Variants in NCALD observed in about 807,000 individuals in gnomAD.
NCALD encodes the protein neurocalcin delta, also known as neurocalcin-delta.
A neutral mutation model predicts 18.6 loss-of-function variants in NCALD; 10 were observed. The ratio of observed to expected loss-of-function variants is 0.54; its 90% confidence interval spans 0.33 to 0.91. The LOEUF (loss-of-function observed/expected upper bound fraction) is 0.91. Ranked by LOEUF, NCALD falls within the 40% of genes least tolerant of loss-of-function variation. The pLI is 0.03. For missense variants in NCALD, 184 were observed against 247.6 expected, an observed-to-expected ratio of 0.74 and a Z score of 1.72; for synonymous variants, 88 against 87.4, an observed-to-expected ratio of 1.01 and a Z score of -0.04.
At chr8:102,066,307 A>T in intron 1 of NCALD, among the ~76,000 whole-genome samples, 1 of 152,152 alleles carries the variant, frequency 6.6e-6, no homozygotes, top group East Asian at 1.9e-4. Context: ...ATTTCCTAGG[A>T]TCTTATTCAT....
rs532465136 is a variant in NCALD at position 101,908,728 on chromosome 8, A to G, written c.-107+7081T>C. On this transcript the variant is annotated intron_variant, in intron 3 of 6. Transcript: ENST00000311028. ...CCTGCTTTGAGGACCACATAGTCCA[A>G]TGGAGGAGAGAGACTTAGAAATAAA... Among the ~76,000 whole-genome samples, 3 of 152,326 alleles carry G rather than the reference A, an allele frequency of 2.0e-5. No individual in the cohort carries two copies. The South Asian group carries it at 6.2e-4, about 32-fold the overall frequency.
chr8:101,696,532 A>T (rs1815001159), intron 2 of NCALD, among the ~76,000 whole-genome samples: 1 of 152,200 alleles, frequency 6.6e-6, no homozygotes, highest in Non-Finnish European at 1.5e-5. Flanking sequence ...GAGCGTGGCA[A>T]GGAGGTCAAC....
At chr8:102,101,389 C>A (rs906227430) in intron 1 of NCALD, among the ~76,000 whole-genome samples, 1 of 152,218 alleles carries the variant, frequency 6.6e-6, no homozygotes, top group Non-Finnish European at 1.5e-5. Flanking sequence ...AGGGTGTCTG[C>A]AGGCCTCTAG....
At chr8:101,770,598 G>C (rs934197638) in intron 1 of NCALD, among the ~76,000 whole-genome samples, 1 of 152,202 alleles carries the variant, frequency 6.6e-6, no homozygotes, top group Non-Finnish European at 1.5e-5. Flanking sequence ...AACAAAGTTA[G>C]AGCGAGTGGC....
intron 2 of NCALD, among the ~76,000 whole-genome samples, chr8:102,008,277 A>G (rs1488357622): frequency 6.6e-6 from 1 of 152,126 alleles, no homozygotes; most frequent in Non-Finnish European, 1.5e-5. Flanking sequence ...CAAACAATCT[A>G]TGAGCTCTCC....
intron 1 of NCALD, among the ~76,000 whole-genome samples, chr8:101,740,502 C>A (rs1414550224): frequency 6.6e-6 from 1 of 152,230 alleles, no homozygotes; most frequent in Non-Finnish European, 1.5e-5. Flanking sequence ...TTCCACTCTG[C>A]AGGGTATCTC....
intron 3 of NCALD, among the ~76,000 whole-genome samples, chr8:101,899,697 T>C (rs1311135169): frequency 6.6e-6 from 1 of 151,658 alleles, no homozygotes; most frequent in African/African-American, 2.4e-5. Context: ...TTTTCAAATA[T>C]TGAACCATTC....
At chr8:101,990,222 C>T (rs1345316370) in intron 2 of NCALD, among the ~76,000 whole-genome samples, 1 of 152,282 alleles carries the variant, frequency 6.6e-6, no homozygotes, top group South Asian at 2.1e-4. Flanking sequence ...GTAAAAAGTG[C>T]ACAGAACAGG....
chr8:101,811,753 C>T (rs1200523931), intron 4 of NCALD, among the ~76,000 whole-genome samples: 1 of 152,156 alleles, frequency 6.6e-6, no homozygotes, highest in African/African-American at 2.4e-5. Flanking sequence ...ACGGAAAAAC[C>T]TACTGCAGGG....
chr8:101,968,508 C>A (rs760661576), intron 2 of NCALD, among the ~76,000 whole-genome samples: 5 of 152,250 alleles, frequency 3.3e-5, no homozygotes, highest in African/African-American at 4.8e-5. Context: ...TGTTTGACAC[C>A]AAGGTACTGC....
intron 2 of NCALD, among the ~76,000 whole-genome samples, chr8:101,917,142 AC>A (rs1817997621): frequency 6.6e-6 from 1 of 151,990 alleles, no homozygotes. Context: ...AATCATACCA[AC>A]CATACTCTCA....
At chr8:101,708,067 C>T (rs1011109920) in intron 2 of NCALD, among the ~76,000 whole-genome samples, 3 of 152,108 alleles carry the variant, frequency 2.0e-5, no homozygotes, top group Non-Finnish European at 4.4e-5. Context: ...GGATGCTTTT[C>T]GAAAGGCTCT....
At chr8:101,966,944 G>A (rs1168623395) in intron 2 of NCALD, among the ~76,000 whole-genome samples, 2 of 152,082 alleles carry the variant, frequency 1.3e-5, no homozygotes, top group Non-Finnish European at 2.9e-5. Context: ...ATGAAATAAT[G>A]TATTATGGGG....
At chr8:101,900,950 G>C (rs1241614031) in intron 3 of NCALD, among the ~76,000 whole-genome samples, 1 of 151,898 alleles carries the variant, frequency 6.6e-6, no homozygotes, top group East Asian at 1.9e-4. Context: ...CTCTTATTAT[G>C]AATTTGCCTA....
intron 2 of NCALD, among the ~76,000 whole-genome samples, chr8:101,941,775 A>G (rs1343496084): frequency 6.6e-6 from 1 of 152,166 alleles, no homozygotes; most frequent in Non-Finnish European, 1.5e-5. Flanking sequence ...AACTACAGCA[A>G]TTTCGAAAAT....
chr8:101,710,491 T>C (rs116157316), intron 2 of NCALD, among the ~76,000 whole-genome samples: 3,941 of 152,198 alleles, frequency 0.026, 135 homozygotes, highest in African/African-American at 0.078. Flanking sequence ...CCCCTAAGAA[T>C]CCCTGCAAGC....
At chr8:101,951,000 C>T (rs1196993441) in intron 2 of NCALD, among the ~76,000 whole-genome samples, 1 of 152,208 alleles carries the variant, frequency 6.6e-6, no homozygotes, top group Non-Finnish European at 1.5e-5. Context: ...TACCCAACTT[C>T]CTCTTACCCT....
chr8:101,713,765 A>G, intron 2 of NCALD, among the ~76,000 whole-genome samples: 1 of 152,182 alleles, frequency 6.6e-6, no homozygotes, highest in Admixed American at 6.5e-5. Flanking sequence ...CGAATAACAC[A>G]TTTTGAAATT....
rs1820873501 is a variant in NCALD, at chr8:101,987,868, C to A, written c.-157+32369G>T. 5.3e-5 allele frequency among the ~76,000 whole-genome samples: 8 copies of A among 152,194 alleles called. No homozygotes were observed. The East Asian group carries it at 1.5e-3, about 29-fold the overall frequency. Reference sequence around the variant, plus strand: ...AGGAATTTTTAATTAAAAGAAGCAACTCATGGCCGGGCGCGGTGGCTCATG... The same window carrying A: ...AGGAATTTTTAATTAAAAGAAGCAAATCATGGCCGGGCGCGGTGGCTCATG... On this transcript the variant is annotated intron_variant, in intron 2 of 6. Transcript: ENST00000311028.
Sources: gnomAD v4.1 joint callset for allele counts (sites outside exome capture counted in the v4.1 genomes callset) on GRCh38, gnomAD v4.1.1 for gene constraint, MANE v1.5 for transcripts, NCBI Gene and HGNC (gene_info 2026-07-23, HGNC 2026-07-21) for gene names.